The following ARHGAP12 variants were observed in gnomAD, a reference collection of about 807,000 sequenced individuals.
The protein encoded by ARHGAP12 is Rho GTPase activating protein 12, also known as rho GTPase-activating protein 12.
A neutral mutation model predicts 108.6 loss-of-function variants in ARHGAP12; 64 were observed. The observed-to-expected ratio is 0.59, with a 90% CI of 0.48 to 0.73. The LOEUF (loss-of-function observed/expected upper bound fraction) is 0.73, where lower values mean the gene tolerates loss of function less well. Among genes scored for constraint, ARHGAP12 ranks in the 30% least tolerant of loss-of-function variants. The pLI, the probability that ARHGAP12 is intolerant of heterozygous loss-of-function variation, is 0.00. For synonymous variants in ARHGAP12, 312 were observed against 337.2 expected, an observed-to-expected ratio of 0.93 and a Z score of 0.82; for missense variants, 940 against 1,005.9, an observed-to-expected ratio of 0.93 and a Z score of 0.89.
At position 31,926,236 on chromosome 10, in the gene ARHGAP12, G is replaced by A. The variant is rs115665104; in HGVS notation, c.-111+2447C>T. Among the ~76,000 whole-genome samples, 964 of 151,982 alleles carry A rather than the reference G, an allele frequency of 6.3e-3. 18 individuals carry two copies. Among genetic ancestry groups the A allele is most frequent in the African/African-American group, 0.022 (923 of 41,430 alleles). ...AGCTAATCAATTACAAAACGAAACT[G>A]CAGAATATTCATTAAGTCCATGAAG... On this transcript the variant is annotated intron_variant, in intron 1 of 19. Transcript: ENST00000344936.
At position 31,908,281 on chromosome 10, in the gene ARHGAP12, C is replaced by A. The variant is rs147715013; in HGVS notation, c.575G>T (p.Ser192Ile). 40 of 1,614,032 alleles carry A rather than the reference C, an allele frequency of 2.5e-5. No individual in the cohort carries two copies. In the African/African-American group the frequency reaches 3.9e-4, roughly 16 times the overall value. Residue 192 changes from serine (S) to isoleucine (I), a missense_variant, in exon 3 of 20, where the codon AGC (serine) becomes ATC (isoleucine). Coordinates refer to ENST00000344936, the MANE Select transcript of ARHGAP12 (RefSeq NM_018287.7). ...GPEFLDVEKT[S>I]FSQEQSCDSA... is the part of the protein sequence containing the mutation. Reference sequence around the variant, plus strand: ...ATCACAAGATTGTTCCTGGGAGAAGCTAGTTTTCTCTACATCCAAGAACTC... The same window carrying A: ...ATCACAAGATTGTTCCTGGGAGAAGATAGTTTTCTCTACATCCAAGAACTC...
intron 3 of ARHGAP12, among the ~76,000 whole-genome samples, chr10:31,893,865 C>G (rs184403076): frequency 6.6e-6 from 1 of 152,130 alleles, no homozygotes; most frequent in Admixed American, 6.5e-5. Flanking sequence ...ACTGGCAAAC[C>G]GAATCCAGCA....
At chr10:31,870,970 G>A (rs1292880579) in intron 3 of ARHGAP12, among the ~76,000 whole-genome samples, 1 of 152,142 alleles carries the variant, frequency 6.6e-6, no homozygotes, top group South Asian at 2.1e-4. Flanking sequence ...TGTCCTTGAG[G>A]AGCCAATAGC....
intron 13 of ARHGAP12, among the ~76,000 whole-genome samples, chr10:31,815,576 T>TTAGAA (rs2132153418): frequency 6.6e-6 from 1 of 152,304 alleles, no homozygotes; most frequent in East Asian, 1.9e-4. Context: ...TATATAAATT[T>TTAGAA]TAGAATAAGC....
intron 4 of ARHGAP12, among the ~76,000 whole-genome samples, chr10:31,857,145 G>A (rs1836917934): frequency 6.6e-6 from 1 of 152,176 alleles, no homozygotes; most frequent in South Asian, 2.1e-4. Flanking sequence ...GTGTGTATGT[G>A]TTTGGGCAGG....
chr10:31,874,326 G>C (rs757823982), intron 3 of ARHGAP12, among the ~76,000 whole-genome samples: 2 of 151,948 alleles, frequency 1.3e-5, no homozygotes, highest in East Asian at 1.9e-4. Context: ...CACTACCTAA[G>C]GAAAAGGTAG....
rs934358076 is a variant in ARHGAP12, at chr10:31,921,016, C to A, written c.-111+7667G>T. ...ATCAGGCTGGACAAGGTGGCTCACG[C>A]GTGTAATCCCAGCTCTTTGGGAGTC... On this transcript the variant is annotated intron_variant, in intron 1 of 19. Coordinates refer to ENST00000344936, the MANE Select transcript of ARHGAP12 (RefSeq NM_018287.7). Among the ~76,000 whole-genome samples, 5 of 152,170 alleles carry A rather than the reference C, an allele frequency of 3.3e-5. No homozygotes were observed. In the South Asian group the frequency reaches 8.3e-4, roughly 25 times the overall value.
At position 31,901,343 on chromosome 10, in the gene ARHGAP12, C is replaced by A. The variant is rs1332138892; in HGVS notation, c.684+6829G>T. ...GGTCAGGAATTTGACACCAGCCTGG[C>A]CAACATGGTGAAACCCCATCTCTAC... On this transcript the variant is annotated intron_variant, in intron 3 of 19. Coordinates refer to ENST00000344936, the MANE Select transcript of ARHGAP12 (RefSeq NM_018287.7). Among the ~76,000 whole-genome samples the A allele has an allele frequency of 2.0e-5, 3 of 151,558 alleles. No homozygotes were observed. The East Asian group carries it at 5.8e-4, about 29-fold the overall frequency.
At chr10:31,810,811 A>C (rs1834988370) in intron 15 of ARHGAP12, 64 bp from the exon 16 acceptor site, 13 of 1,281,530 alleles carry the variant, frequency 1.0e-5, no homozygotes, top group Non-Finnish European at 1.4e-5. Flanking sequence ...GAAATGGCTA[A>C]CCATTCAGAG....
intron 12 of ARHGAP12, among the ~76,000 whole-genome samples, chr10:31,818,749 G>A (rs199956030): frequency 6.6e-6 from 1 of 152,164 alleles, no homozygotes; most frequent in African/African-American, 2.4e-5. Context: ...CTGGATTGAA[G>A]AAAATATAAC....
chr10:31,823,274 A>T (rs1378867213), intron 11 of ARHGAP12, among the ~76,000 whole-genome samples: 1 of 152,168 alleles, frequency 6.6e-6, no homozygotes, highest in African/African-American at 2.4e-5. Context: ...AAAAAAACAA[A>T]TACAAGTTTA....
In ARHGAP12 at chr10:31,839,332, A is replaced by T; in HGVS notation, c.1372-13T>A. On this transcript the variant is annotated splice_polypyrimidine_tract_variant and intron_variant, in intron 8 of 19. Transcript: ENST00000344936. ...TTGGACTGCTGGCCTGAGGAAAAAA[A>T]GAGTAAAGTATAATGTCATAGTATT... The T allele has an allele frequency of 6.2e-7, 1 of 1,609,272 alleles. No individual in the cohort carries two copies. The highest frequency in any genetic ancestry group is 8.5e-7 in the Non-Finnish European group (1 of 1,176,632).
chr10:31,900,264 C>T (rs1481419869), intron 3 of ARHGAP12, among the ~76,000 whole-genome samples: 1 of 152,108 alleles, frequency 6.6e-6, no homozygotes, highest in East Asian at 1.9e-4. Flanking sequence ...GATGGGAATA[C>T]AAAATAGAAA....
intron 11 of ARHGAP12, among the ~76,000 whole-genome samples, chr10:31,823,776 A>G (rs2132177725): frequency 6.6e-6 from 1 of 152,322 alleles, no homozygotes; most frequent in East Asian, 1.9e-4. Flanking sequence ...GCTAGAGATC[A>G]GCTTCTGTAT....
intron 3 of ARHGAP12, among the ~76,000 whole-genome samples, chr10:31,876,239 C>T (rs1228407305): frequency 2.0e-5 from 3 of 152,116 alleles, no homozygotes; most frequent in African/African-American, 7.2e-5. Context: ...AACATCAGGC[C>T]GGGCACAGTG....
In ARHGAP12 at chr10:31,921,763, C is replaced by CAAAA. The variant is rs57420280; in HGVS notation, c.-111+6916_-111+6919dup. Among the ~76,000 whole-genome samples the CAAAA allele has an allele frequency of 3.7e-4, 14 of 37,928 alleles. 2 individuals carry two copies. The highest frequency in any genetic ancestry group is 1.6e-3 in the South Asian group (1 of 642). The allele number at this position is 37,928 out of a possible 152,430, so 24.9% of individuals were successfully genotyped here. A position where few individuals can be genotyped will look rare whatever the true frequency, so the allele number is the denominator to read the frequency against. Reference sequence around the variant, plus strand: ...TGGGTGACAGAGCAAGGCTCCATCTCAAAAAAAAAAAAAAAAAAAAAAAAA... The same window carrying CAAAA: ...TGGGTGACAGAGCAAGGCTCCATCTCAAAAAAAAAAAAAAAAAAAAAAAAAAAAA... On this transcript the variant is annotated intron_variant, in intron 1 of 19. Coordinates refer to ENST00000344936, the MANE Select transcript of ARHGAP12 (RefSeq NM_018287.7).
chr10:31,872,984 T>G (rs2132340104), intron 3 of ARHGAP12, among the ~76,000 whole-genome samples: 1 of 152,282 alleles, frequency 6.6e-6, no homozygotes, highest in Admixed American at 6.5e-5. Flanking sequence ...AAGAACTGAT[T>G]CAAACTCTTT....
At chr10:31,876,902 G>C (rs1837753521) in intron 3 of ARHGAP12, among the ~76,000 whole-genome samples, 1 of 152,152 alleles carries the variant, frequency 6.6e-6, no homozygotes, top group South Asian at 2.1e-4. Flanking sequence ...AGAATTTTTA[G>C]AAAAGGTTCT....
At chr10:31,827,282 A>G (rs898653115) in intron 10 of ARHGAP12, among the ~76,000 whole-genome samples, 1 of 152,236 alleles carries the variant, frequency 6.6e-6, no homozygotes, top group African/African-American at 2.4e-5. Flanking sequence ...ATTATTTGAA[A>G]AAACAAAACA....
Sources: allele counts gnomAD v4.1 joint callset (sites outside exome capture counted in the v4.1 genomes callset), GRCh38; gene constraint gnomAD v4.1.1; transcripts MANE v1.5; gene names NCBI Gene and HGNC (gene_info 2026-07-23, HGNC 2026-07-21).